Variants in MAP2K5 observed in about 807,000 individuals in gnomAD.
MAP2K5 encodes dual specificity mitogen-activated protein kinase kinase 5.
A neutral mutation model predicts 83.1 loss-of-function variants in MAP2K5; 49 were observed. The ratio of observed to expected loss-of-function variants is 0.59; its 90% confidence interval spans 0.47 to 0.75. The LOEUF (loss-of-function observed/expected upper bound fraction) is 0.75. Ranked by LOEUF, MAP2K5 falls within the 30% of genes least tolerant of loss-of-function variation. The pLI is 0.00. For missense variants in MAP2K5, 457 were observed against 557.5 expected, an observed-to-expected ratio of 0.82 and a Z score of 1.82; for synonymous variants, 202 against 191.8, an observed-to-expected ratio of 1.05 and a Z score of -0.44.
At chr15:67,592,110 C>T (rs1200715867) in intron 6 of MAP2K5, among the ~76,000 whole-genome samples, 2 of 47,912 alleles carry the variant, frequency 4.2e-5, no homozygotes, top group East Asian at 5.7e-4. Flanking sequence ...AAGAGTGAAA[C>T]TATGTCTCAA....
chr15:67,718,375 GTTATTTC>G (rs1334589531), intron 16 of MAP2K5, among the ~76,000 whole-genome samples: 6 of 152,174 alleles, frequency 3.9e-5, no homozygotes, highest in Admixed American at 3.9e-4. Flanking sequence ...TTAAAAGGGT[GTTATTTC>G]TTAATTCTTA....
At chr15:67,792,317 A>G (rs927807879) in intron 21 of MAP2K5, among the ~76,000 whole-genome samples, 3 of 152,212 alleles carry the variant, frequency 2.0e-5, no homozygotes, top group Non-Finnish European at 4.4e-5. Context: ...TAAGGGGTAT[A>G]GGGTTAGACT....
chr15:67,753,016 A>T (rs1449999674), intron 19 of MAP2K5, among the ~76,000 whole-genome samples: 7 of 152,246 alleles, frequency 4.6e-5, no homozygotes. Context: ...ACGGAATAGA[A>T]TTCAAAGTCC....
At position 67,638,210 on chromosome 15, in the gene MAP2K5, A is replaced by G. The variant is rs946135388; in HGVS notation, c.585+7283A>G. On this transcript the variant is annotated intron_variant, in intron 9 of 21. Coordinates refer to ENST00000178640, the MANE Select transcript of MAP2K5 (RefSeq NM_145160.3). The surrounding 1 kb of genome is among the most constrained non-coding windows in gnomAD (Gnocchi z 4.5). ...TACCTATTAGTTATTTTTCCTGATC[A>G]TCTCCCCACTTCACCCTCCACCTTC... Among the ~76,000 whole-genome samples, 7 of 151,852 alleles carry G rather than the reference A, an allele frequency of 4.6e-5. No homozygotes were observed. Among genetic ancestry groups the G allele is most frequent in the Non-Finnish European group, 1.0e-4 (7 of 67,946 alleles).
chr15:67,784,915 G>C (rs934111648), intron 21 of MAP2K5, among the ~76,000 whole-genome samples: 4 of 152,136 alleles, frequency 2.6e-5, no homozygotes, highest in African/African-American at 7.2e-5. Flanking sequence ...AGTATGGGCT[G>C]TGCACCAGTG....
At chr15:67,643,728 C>G (rs1011215687) in intron 9 of MAP2K5, among the ~76,000 whole-genome samples, 21 of 152,084 alleles carry the variant, frequency 1.4e-4, no homozygotes, top group African/African-American at 4.8e-4. Flanking sequence ...GGATTACAGG[C>G]GTGAGCCACC....
intron 19 of MAP2K5, among the ~76,000 whole-genome samples, chr15:67,767,331 A>G (rs2049625215): frequency 6.6e-6 from 1 of 152,220 alleles, no homozygotes; most frequent in African/African-American, 2.4e-5. Flanking sequence ...CATGTTTTAT[A>G]CCAGATCTTT....
chr15:67,664,633 A>AT lies in MAP2K5; in HGVS notation c.839dup (p.Leu280PhefsTer3). 6.2e-7 allele frequency: 1 copy of AT among 1,602,988 alleles called. No individual in the cohort carries two copies. Among genetic ancestry groups the AT allele is most frequent in the South Asian group, 1.1e-5 (1 of 90,806 alleles). ...CCTTACTTATTTGTGGAGTTTAAAG[A>AT]TTTTACATAGAGGTATGTGCTGGGC... On this transcript the variant is annotated frameshift_variant, in exon 13 of 22. Coordinates refer to ENST00000178640, the MANE Select transcript of MAP2K5 (RefSeq NM_145160.3). LOFTEE classifies it high-confidence loss of function.
rs1333237344 is a variant in MAP2K5 at position 67,708,481 on chromosome 15, G to A, written c.1044+5073G>A. On this transcript the variant is annotated intron_variant, in intron 16 of 21. Transcript: ENST00000178640. This position sits in a 1 kb window ranked among gnomAD's most constrained non-coding sequence, Gnocchi z 4.9. ...TCAATTTACAGCTGTCAGACTTGAA[G>A]CCTGCCCCCTGCCTCCCACTTTTTT... 6.6e-6 allele frequency among the ~76,000 whole-genome samples: 1 copy of A among 152,130 alleles called. No homozygotes were observed. Among genetic ancestry groups the A allele is most frequent in the Admixed American group, 6.6e-5 (1 of 15,262 alleles).
chr15:67,692,436 A>T, intron 13 of MAP2K5, 43 bp from the exon 14 acceptor site: 1 of 1,385,324 alleles, frequency 7.2e-7, no homozygotes, highest in Non-Finnish European at 1.0e-6. Flanking sequence ...AACGCTGTAG[A>T]TACATGGAAT....
At chr15:67,610,420 C>A (rs1398191068) in intron 8 of MAP2K5, among the ~76,000 whole-genome samples, 2 of 152,052 alleles carry the variant, frequency 1.3e-5, no homozygotes, top group African/African-American at 4.8e-5. Context: ...ATTTATAAGA[C>A]ACGTTTCTTT....
At chr15:67,614,260 G>A (rs148650802) in intron 8 of MAP2K5, among the ~76,000 whole-genome samples, 1 of 152,076 alleles carries the variant, frequency 6.6e-6, no homozygotes, top group Non-Finnish European at 1.5e-5. Flanking sequence ...AAATTTTTGT[G>A]GAAATCAAAT....
intron 19 of MAP2K5, among the ~76,000 whole-genome samples, chr15:67,762,576 A>C (rs555709267): frequency 2.0e-5 from 3 of 152,216 alleles, no homozygotes; most frequent in East Asian, 3.8e-4. Flanking sequence ...AAAAAAAAAA[A>C]AAAAAACAAG....
chr15:67,742,165 G>A (rs1213570726), intron 17 of MAP2K5, among the ~76,000 whole-genome samples: 2 of 152,198 alleles, frequency 1.3e-5, no homozygotes, highest in Non-Finnish European at 2.9e-5. Flanking sequence ...TGCTGGGATT[G>A]CAGGCGTGAG....
chr15:67,788,344 A>G (rs999194429), intron 21 of MAP2K5, among the ~76,000 whole-genome samples: 1 of 152,110 alleles, frequency 6.6e-6, no homozygotes, highest in African/African-American at 2.4e-5. Flanking sequence ...ACCTCCTTGT[A>G]TCACTGCTGG....
In MAP2K5 at chr15:67,563,346, CAT is replaced by C; in HGVS notation, c.251_252del (p.Tyr84LeufsTer60). ...GATGAGGAAATGAAGGCAATGCTGTCATATGTAAGTATACGACAAATGAAGAC... is the reference window on the plus strand; with the variant it reads ...GATGAGGAAATGAAGGCAATGCTGTCATGTAAGTATACGACAAATGAAGAC... On this transcript the variant is annotated frameshift_variant and splice_region_variant, in exon 3 of 22. Coordinates refer to ENST00000178640, the MANE Select transcript of MAP2K5 (RefSeq NM_145160.3). LOFTEE classifies it high-confidence loss of function. The surrounding 1 kb of genome is among the most constrained non-coding windows in gnomAD (Gnocchi z 4.5). 6.2e-6 allele frequency: 10 copies of C among 1,610,480 alleles called. No homozygotes were observed. The highest frequency in any genetic ancestry group is 8.5e-6 in the Non-Finnish European group (10 of 1,178,876).
intron 21 of MAP2K5, among the ~76,000 whole-genome samples, chr15:67,792,231 C>T (rs1257542369): frequency 6.6e-6 from 1 of 152,214 alleles, no homozygotes; most frequent in Non-Finnish European, 1.5e-5. Context: ...AAGACTGGAC[C>T]TTCTGGCTCT....
At chr15:67,673,324 G>T (rs1301682560) in intron 13 of MAP2K5, among the ~76,000 whole-genome samples, 1 of 152,118 alleles carries the variant, frequency 6.6e-6, no homozygotes, top group Non-Finnish European at 1.5e-5. Flanking sequence ...AAATGGGAAG[G>T]TGAGAGGGTA....
intron 11 of MAP2K5, among the ~76,000 whole-genome samples, chr15:67,649,123 G>T (rs1000173781): frequency 2.0e-5 from 3 of 152,146 alleles, no homozygotes; most frequent in African/African-American, 4.8e-5. Flanking sequence ...TTTGATTTAG[G>T]TTTCTCTAAT....
Sources: allele counts gnomAD v4.1 joint callset (sites outside exome capture counted in the v4.1 genomes callset), GRCh38; gene constraint gnomAD v4.1.1; non-coding constraint Gnocchi (gnomAD v3.1); transcripts MANE v1.5; gene names NCBI Gene and HGNC (gene_info 2026-07-23, HGNC 2026-07-21).